The following SHISA9 variants were observed in gnomAD, a reference collection of about 807,000 sequenced individuals.
SHISA9 encodes shisa family member 9, also known as protein shisa-9.
A neutral mutation model predicts 38.0 loss-of-function variants in SHISA9; 13 were observed. The observed-to-expected ratio is 0.34, with a 90% CI of 0.22 to 0.54. The LOEUF is 0.54. Among genes scored for constraint, SHISA9 ranks in the 20% least tolerant of loss-of-function variants. SHISA9 has a pLI of 0.91. For synonymous variants in SHISA9, 275 were observed against 242.0 expected (o/e 1.14, Z -1.27); for missense variants, 538 against 575.8 (o/e 0.93, Z 0.67).
intron 2 of SHISA9, among the ~76,000 whole-genome samples, chr16:12,924,687 T>C (rs2071371591): frequency 1.3e-5 from 2 of 152,276 alleles, no homozygotes; most frequent in South Asian, 2.1e-4. Context: ...ATGAGTTTGA[T>C]TGTTTTAGAT....
rs571705293 is a variant in SHISA9 at position 13,144,592 on chromosome 16, A to G, written c.692-58802A>G. The stretch of plus-strand genomic sequence containing the variant: ...TATTACGAGGTCGGGGAAAGAAGAG[A>G]TGGAACTAAAAAAATAGAGAGAAAA... On this transcript the variant is annotated intron_variant, in intron 2 of 4. Coordinates refer to ENST00000558583, the MANE Select transcript of SHISA9 (RefSeq NM_001145204.3). Among the ~76,000 whole-genome samples the G allele has an allele frequency of 1.1e-4, 17 of 152,248 alleles. No homozygotes were observed. The East Asian group carries it at 2.7e-3, about 24-fold the overall frequency.
At chr16:13,059,409 G>A (rs777422060) in intron 2 of SHISA9, among the ~76,000 whole-genome samples, 2 of 152,096 alleles carry the variant, frequency 1.3e-5, no homozygotes, top group Non-Finnish European at 2.9e-5. Flanking sequence ...TTACAGGCGT[G>A]AGCCACCGCA....
the SHISA9 span, among the ~76,000 whole-genome samples, chr16:13,479,777 T>C: frequency 6.6e-6 from 1 of 152,180 alleles, no homozygotes; most frequent in South Asian, 2.1e-4. Context: ...AATTGTCAGG[T>C]TCACTGGTGG....
chr16:13,434,562 C>G, the SHISA9 span, among the ~76,000 whole-genome samples: 4 of 151,906 alleles, frequency 2.6e-5, no homozygotes, highest in East Asian at 7.8e-4. Context: ...GGACTACAGG[C>G]GCCCGCCACC....
At chr16:13,397,331 C>T in the SHISA9 span, among the ~76,000 whole-genome samples, 33 of 152,238 alleles carry the variant, frequency 2.2e-4, no homozygotes, top group Non-Finnish European at 4.3e-4. Flanking sequence ...CAGACAGGTC[C>T]GCTGTGGGGC....
At chr16:13,360,111 T>A in the SHISA9 span, among the ~76,000 whole-genome samples, 60 of 152,334 alleles carry the variant, frequency 3.9e-4, no homozygotes, top group African/African-American at 1.4e-3. Context: ...TTACATCCAG[T>A]TCCTCTCTAT....
the SHISA9 span, among the ~76,000 whole-genome samples, chr16:13,259,470 C>A: frequency 6.6e-6 from 1 of 152,218 alleles, no homozygotes; most frequent in Non-Finnish European, 1.5e-5. Context: ...TAGGCAGCCC[C>A]CAAGTAGGGA....
At chr16:13,172,686 TGA>T (rs2050696786) in intron 2 of SHISA9, among the ~76,000 whole-genome samples, 1 of 151,626 alleles carries the variant, frequency 6.6e-6, no homozygotes, top group Non-Finnish European at 1.5e-5. Flanking sequence ...TTTAGGCCCA[TGA>T]GAGAGTACCA....
the SHISA9 span, among the ~76,000 whole-genome samples, chr16:13,296,891 C>CAAAAAAAAAAAAAAAAAAAA: frequency 3.8e-5 from 1 of 26,588 alleles, no homozygotes; most frequent in African/African-American, 1.5e-4. Flanking sequence ...AACTCCATCT[C>CAAAAAAAAAAAAAAAAAAAA]AAAAAAAAAA....
intron 2 of SHISA9, among the ~76,000 whole-genome samples, chr16:13,140,108 T>A (rs2050386854): frequency 3.8e-5 from 1 of 26,220 alleles, no homozygotes; most frequent in Non-Finnish European, 8.9e-5. Context: ...TCCCTTCCCT[T>A]CCCTTCCCTT....
At chr16:13,093,163 G>A (rs1036507955) in intron 2 of SHISA9, among the ~76,000 whole-genome samples, 2 of 152,282 alleles carry the variant, frequency 1.3e-5, no homozygotes, top group African/African-American at 4.8e-5. Context: ...GGGGCAGCCA[G>A]TTCAAGTGGC....
intron 2 of SHISA9, among the ~76,000 whole-genome samples, chr16:13,179,958 G>A (rs561012118): frequency 6.6e-6 from 1 of 152,302 alleles, no homozygotes; most frequent in South Asian, 2.1e-4. Flanking sequence ...TGGACCCAGG[G>A]CATTGATGAT....
chr16:13,067,547 C>G (rs995113938), intron 2 of SHISA9, among the ~76,000 whole-genome samples: 1 of 152,244 alleles, frequency 6.6e-6, no homozygotes, highest in Non-Finnish European at 1.5e-5. Flanking sequence ...TGTAATTTCT[C>G]TCCTAGAAAT....
intron 2 of SHISA9, among the ~76,000 whole-genome samples, chr16:12,947,826 A>C (rs1386930632): frequency 4.6e-5 from 7 of 152,132 alleles, no homozygotes; most frequent in Non-Finnish European, 2.9e-5. Context: ...AAATGGTATA[A>C]TTTTGCAAAG....
rs542824107 is a variant in SHISA9 at position 12,902,789 on chromosome 16, G to A, written c.563+162G>A. On this transcript the variant is annotated intron_variant, in intron 1 of 4. Transcript: ENST00000558583. ...GGAAGCCAACTTCGGCTTGGAACAC[G>A]GAGAAGGGGCGCTGGGCTCAGCACA... 284 of 694,078 alleles carry A rather than the reference G, an allele frequency of 4.1e-4. No homozygotes were observed. In the African/African-American group the frequency reaches 4.7e-3, roughly 12 times the overall value. 43.0% of individuals were successfully genotyped at this position (694,078 alleles called of 1,614,324 possible). A position where few individuals can be genotyped will look rare whatever the true frequency, so the allele number is the denominator to read the frequency against.
intron 2 of SHISA9, among the ~76,000 whole-genome samples, chr16:13,060,808 C>A (rs2073366508): frequency 6.6e-6 from 1 of 152,124 alleles, no homozygotes; most frequent in Admixed American, 6.5e-5. Context: ...AGGGCAGAGC[C>A]AAGGGCTGGC....
At chr16:13,210,361 C>G (rs2051106721) in intron 3 of SHISA9, among the ~76,000 whole-genome samples, 1 of 151,982 alleles carries the variant, frequency 6.6e-6, no homozygotes, top group Non-Finnish European at 1.5e-5. Flanking sequence ...CAACCTTGGC[C>G]ATTGAGTATA....
the SHISA9 span, among the ~76,000 whole-genome samples, chr16:13,509,745 G>A: frequency 3.3e-5 from 5 of 152,248 alleles, no homozygotes; most frequent in Admixed American, 3.3e-4. Flanking sequence ...CTGTGTGTCA[G>A]AAACAATATA....
At chr16:13,469,489 G>T in the SHISA9 span, among the ~76,000 whole-genome samples, 8 of 152,074 alleles carry the variant, frequency 5.3e-5, no homozygotes, top group Non-Finnish European at 8.8e-5. Flanking sequence ...TATGTGGGGT[G>T]GGCACAACCT....
Sources: allele counts gnomAD v4.1 joint callset (sites outside exome capture counted in the v4.1 genomes callset), GRCh38; gene constraint gnomAD v4.1.1; transcripts MANE v1.5; gene names NCBI Gene and HGNC (gene_info 2026-07-23, HGNC 2026-07-21).